GTF3C1: variants seen among roughly 807,000 people sequenced by gnomAD.
GTF3C1 encodes general transcription factor IIIC subunit 1.
GTF3C1 carries 57 observed loss-of-function variants against 226.7 expected under a neutral mutation model. The observed-to-expected ratio is 0.25, with a 90% CI of 0.20 to 0.31. The LOEUF is 0.31. GTF3C1 is among the 10% of genes least tolerant of loss of function. The probability of loss-of-function intolerance (pLI) is 1.00; values close to 1 mark genes in which losing one functional copy is unlikely to be tolerated. For synonymous variants in GTF3C1, 1,090 were observed against 1,084.8 expected (o/e 1.00, Z -0.09); for missense variants, 2,217 against 2,776.1 (o/e 0.80, Z 4.53).
At chr16:27,523,570 C>T (rs762933271) in intron 6 of GTF3C1, among the ~76,000 whole-genome samples, 2 of 152,216 alleles carry the variant, frequency 1.3e-5, no homozygotes, top group East Asian at 1.9e-4. Context: ...TTGCCTCCTG[C>T]GCACGGAAAG....
Position 27,511,867 on chromosome 16 carries a change from C to T in GTF3C1, c.1008G>A (p.Leu336=). The T allele has an allele frequency of 6.2e-7, 1 of 1,614,166 alleles. No individual in the cohort carries two copies. The highest frequency in any genetic ancestry group is 1.1e-5 in the South Asian group (1 of 91,086). ...CATGGTCATTCCGTTTAAATTCCTT[C>T]AGCAGCTTGAGGCACCGAACCATGA... ...TDVMVRCLKL[L]KEFKRNDHDD... The change falls in exon 7 of 37, where the codon CTG becomes CTA. Residue 336 remains leucine, a synonymous_variant. Transcript: ENST00000356183.
intron 6 of GTF3C1, among the ~76,000 whole-genome samples, chr16:27,519,316 T>C (rs929654512): frequency 4.6e-5 from 7 of 152,186 alleles, no homozygotes; most frequent in Non-Finnish European, 8.8e-5. Context: ...ATGCCAACCA[T>C]AGCATATTTT....
In GTF3C1 at chr16:27,464,596, A is replaced by C; in HGVS notation, c.5596T>G (p.Trp1866Gly). ...SPRGTKRRASWASENGETDAE... is the reference protein window; with the variant it reads ...SPRGTKRRASGASENGETDAE... ...TCGGTCTCCCCATTCTCACTGGCCC[A>C]GCTGGCGCGCCTCTTGGTGCCCCGG... Residue 1866 changes from tryptophan to glycine, a missense_variant, in exon 34 of 37, where the codon TGG (tryptophan) becomes GGG (glycine). Transcript: ENST00000356183. The C allele has an allele frequency of 6.7e-7, 1 of 1,493,000 alleles. No individual in the cohort carries two copies. Among genetic ancestry groups the C allele is most frequent in the Non-Finnish European group, 8.9e-7 (1 of 1,120,920 alleles). 92.5% of individuals were successfully genotyped at this position (1,493,000 alleles called of 1,614,324 possible). A position where few individuals can be genotyped will look rare whatever the true frequency, so the allele number is the denominator to read the frequency against.
intron 27 of GTF3C1, among the ~76,000 whole-genome samples, chr16:27,479,832 T>C (rs1205280471): frequency 6.6e-6 from 1 of 152,184 alleles, no homozygotes; most frequent in Non-Finnish European, 1.5e-5. Flanking sequence ...AGTATTAAAC[T>C]GTTACACTTG....
chr16:27,463,647 T>G lies in GTF3C1; in HGVS notation c.5873-55A>C. 1.0e-6 allele frequency: 1 copy of G among 994,390 alleles called. No individual in the cohort carries two copies. The highest frequency in any genetic ancestry group is 1.6e-6 in the Non-Finnish European group (1 of 613,604). 61.6% of individuals were successfully genotyped at this position (994,390 alleles called of 1,614,324 possible). On this transcript the variant is annotated intron_variant, in intron 34 of 36. Transcript: ENST00000356183. This position sits in a 1 kb window ranked among gnomAD's most constrained non-coding sequence, Gnocchi z 4.9. ...CTCGGAAAGTCAGGGAAGCCATCTC[T>G]GCCCTCCAACCTTCAGCATGGTACC...
chr16:27,482,057 C>A (rs544772607), intron 26 of GTF3C1, among the ~76,000 whole-genome samples: 1 of 152,190 alleles, frequency 6.6e-6, no homozygotes, highest in Non-Finnish European at 1.5e-5. Context: ...GTTTCCCAGC[C>A]ACGTGGCCCA....
chr16:27,474,670 T>C (rs2087926812), intron 29 of GTF3C1, among the ~76,000 whole-genome samples: 1 of 152,240 alleles, frequency 6.6e-6, no homozygotes, highest in African/African-American at 2.4e-5. Context: ...CACCCAATAC[T>C]ATTTATTCTT....
intron 6 of GTF3C1, among the ~76,000 whole-genome samples, chr16:27,520,791 C>T (rs934733220): frequency 2.0e-5 from 3 of 152,132 alleles, no homozygotes; most frequent in Non-Finnish European, 2.9e-5. Flanking sequence ...GTGATCTCAG[C>T]TCACTGCAAC....
Position 27,486,099 on chromosome 16 carries a change from C to T in GTF3C1, c.3756G>A (p.Gln1252=). Residue 1252 remains glutamine, a synonymous_variant, in exon 24 of 37, where the codon CAG becomes CAA. Transcript: ENST00000356183. ...GCCGCGTCATCCGCTGCAGGGCACT[C>T]TGGTCGGCTTCATCATGGTAGCGCA... is the stretch of plus-strand genomic sequence containing the variant. The part of the protein sequence containing the change: ...KRLRYHDEAD[Q]SALQRMTRLR... 6.2e-7 allele frequency: 1 copy of T among 1,607,434 alleles called. No homozygotes were observed. Among genetic ancestry groups the T allele is most frequent in the Non-Finnish European group, 8.5e-7 (1 of 1,174,044 alleles).
chr16:27,494,975 C>A, intron 15 of GTF3C1, 67 bp from the exon 16 acceptor site: 2 of 1,397,052 alleles, frequency 1.4e-6, no homozygotes, highest in Non-Finnish European at 2.0e-6. Flanking sequence ...CACATGGTAA[C>A]GTCATCTCCC....
chr16:27,511,690 C>T (rs553067714), intron 7 of GTF3C1, 59 bp downstream of exon 7: 18 of 1,567,664 alleles, frequency 1.1e-5, no homozygotes, highest in South Asian at 2.3e-5. Context: ...GTGGGCAAAG[C>T]GCTTCTTGAC....
At chr16:27,488,903 G>T (rs2088186618) in intron 21 of GTF3C1, 140 bp downstream of exon 21, 5 of 791,920 alleles carry the variant, frequency 6.3e-6, no homozygotes, top group Non-Finnish European at 1.1e-5. Context: ...AATAAAACAG[G>T]CCAGGCACAC....
At chr16:27,505,762 G>T (rs1160036039) in intron 10 of GTF3C1, 137 bp downstream of exon 10, 59 of 632,304 alleles carry the variant, frequency 9.3e-5, no homozygotes, top group Non-Finnish European at 1.6e-4. Flanking sequence ...CTACTGCCTG[G>T]GAAGCACAGG....
chr16:27,545,408 A>G lies in GTF3C1; in HGVS notation c.337T>C (p.Ser113Pro). 1 of 1,612,822 alleles carries G rather than the reference A, an allele frequency of 6.2e-7. No homozygotes were observed. Among genetic ancestry groups the G allele is most frequent in the Non-Finnish European group, 8.5e-7 (1 of 1,178,812 alleles). ...ILENKDGIQG[S>P]CRYFKERKNI... Reference sequence around the variant, plus strand: ...TTCCTCTCCTTAAAGTAGCGGCATGAGCCCTGGATGCCATCCTTATTCTCT... The same window carrying G: ...TTCCTCTCCTTAAAGTAGCGGCATGGGCCCTGGATGCCATCCTTATTCTCT... Residue 113 changes from serine (S) to proline (P), a missense_variant, in exon 2 of 37, where the codon TCA (serine) becomes CCA (proline). Physicochemically the swap from Ser to Pro is moderately conservative, Grantham distance 74. Around this residue, in one of 12 missense-constraint regions of GTF3C1, gnomAD observed 192 missense variants for 251.8 expected, o/e 0.76. Coordinates refer to ENST00000356183, the MANE Select transcript of GTF3C1 (RefSeq NM_001520.4).
At chr16:27,498,449 T>TC (rs1555502639) in intron 13 of GTF3C1, among the ~76,000 whole-genome samples, 181 bp downstream of exon 13, 1 of 152,136 alleles carries the variant, frequency 6.6e-6, no homozygotes, top group Non-Finnish European at 1.5e-5. Flanking sequence ...ACTTTTTTTT[T>TC]CCCCCTAAAG....
intron 4 of GTF3C1, among the ~76,000 whole-genome samples, chr16:27,535,511 G>A (rs951842876): frequency 2.0e-5 from 3 of 151,358 alleles, no homozygotes; most frequent in African/African-American, 7.3e-5. Flanking sequence ...GGAGGCAAAG[G>A]TTGCAGTGAG....
At chr16:27,528,029 T>C (rs1227245373) in intron 6 of GTF3C1, among the ~76,000 whole-genome samples, 2 of 150,758 alleles carry the variant, frequency 1.3e-5, no homozygotes, top group African/African-American at 4.9e-5. Context: ...ATCCCAGGAC[T>C]TTGGGAGGCC....
chr16:27,545,401 C>A lies in GTF3C1; in HGVS notation c.344G>T (p.Arg115Leu), dbSNP rs746419913. The change falls in exon 2 of 37, where the codon CGC (arginine) becomes CTC (leucine). Residue 115 changes from arginine to leucine, a missense_variant. Coordinates refer to ENST00000356183, the MANE Select transcript of GTF3C1 (RefSeq NM_001520.4). ...ENKDGIQGSC[R>L]YFKERKNITN... ...AATGTTTTTCCTCTCCTTAAAGTAGCGGCATGAGCCCTGGATGCCATCCTT... is the reference window on the plus strand; with the variant it reads ...AATGTTTTTCCTCTCCTTAAAGTAGAGGCATGAGCCCTGGATGCCATCCTT... The A allele has an allele frequency of 2.5e-6, 4 of 1,613,186 alleles. No homozygotes were observed. Among genetic ancestry groups the A allele is most frequent in the Non-Finnish European group, 3.4e-6 (4 of 1,179,146 alleles).
intron 24 of GTF3C1, among the ~76,000 whole-genome samples, chr16:27,485,187 C>A (rs141566532): frequency 3.0e-4 from 45 of 152,368 alleles, no homozygotes; most frequent in African/African-American, 1.0e-3. Context: ...TAATAGTTGG[C>A]AGGCAAGGAG....
Sources: allele counts gnomAD v4.1 joint callset (sites outside exome capture counted in the v4.1 genomes callset), GRCh38; gene constraint gnomAD v4.1.1; regional missense constraint gnomAD v4.1.1; non-coding constraint Gnocchi (gnomAD v3.1); transcripts MANE v1.5; gene names NCBI Gene and HGNC (gene_info 2026-07-23, HGNC 2026-07-21).